Variants in TET1 observed in about 807,000 individuals in gnomAD.
TET1 encodes the protein methylcytosine dioxygenase TET1.
A neutral mutation model predicts 148.7 loss-of-function variants in TET1; 13 were observed. The observed-to-expected ratio is 0.09, with a 90% confidence interval of 0.06 to 0.14. The LOEUF (loss-of-function observed/expected upper bound fraction) is 0.14. Among genes scored for constraint, TET1 ranks in the 10% least tolerant of loss-of-function variants. The probability of loss-of-function intolerance (pLI) is 1.00; values close to 1 mark genes in which losing one functional copy is unlikely to be tolerated. For missense variants in TET1, 2,182 were observed against 2,553.8 expected, an observed-to-expected ratio of 0.85 and a Z score of 3.14; for synonymous variants, 907 against 937.2, an observed-to-expected ratio of 0.97 and a Z score of 0.59.
At chr10:68,665,664 A>T (rs1167630612) in intron 6 of TET1, among the ~76,000 whole-genome samples, 1 of 152,074 alleles carries the variant, frequency 6.6e-6, no homozygotes, top group Non-Finnish European at 1.5e-5. Context: ...AATTTTGACA[A>T]CTTGAATATT....
chr10:68,578,101 A>G (rs1228784037), intron 2 of TET1, among the ~76,000 whole-genome samples: 1 of 152,082 alleles, frequency 6.6e-6, no homozygotes, highest in African/African-American at 2.4e-5. Flanking sequence ...TTGTTGTAAA[A>G]AATCTTACTG....
intron 6 of TET1, among the ~76,000 whole-genome samples, chr10:68,656,891 T>G (rs1200131500): frequency 6.6e-6 from 1 of 151,764 alleles, no homozygotes; most frequent in Non-Finnish European, 1.5e-5. Context: ...CCAGACATGG[T>G]GGCACGTGCC....
intron 3 of TET1, among the ~76,000 whole-genome samples, chr10:68,633,701 G>A (rs148841064): frequency 0.014 from 2,189 of 152,292 alleles, 19 homozygotes; most frequent in Non-Finnish European, 0.022. Context: ...AAAGTGCTGG[G>A]ATTGCAGGCA....
At chr10:68,562,109 C>T (rs772496500) in intron 1 of TET1, among the ~76,000 whole-genome samples, 3 of 152,180 alleles carry the variant, frequency 2.0e-5, no homozygotes, top group Non-Finnish European at 4.4e-5. Flanking sequence ...AGGTACACAG[C>T]CCTGGGCCGG....
At position 68,561,708 on chromosome 10, in the gene TET1, C is replaced by A. The variant is rs1480303719; in HGVS notation, c.-123+966C>A. Among the ~76,000 whole-genome samples, 2 of 140,600 alleles carry A rather than the reference C, an allele frequency of 1.4e-5. 1 individual carries two copies. The highest frequency in any genetic ancestry group is 3.1e-5 in the Non-Finnish European group (2 of 64,170). The allele number at this position is 140,600 out of a possible 152,430, so 92.2% of individuals were successfully genotyped here. A position where few individuals can be genotyped will look rare whatever the true frequency, so the allele number is the denominator to read the frequency against. On this transcript the variant is annotated intron_variant, in intron 1 of 11. Transcript: ENST00000373644. ...TGTGCTTCCCTCCCTCCCTCCCTCTCCCCCGCTCCGGTCCCCGCCTCTCTC... is the reference window on the plus strand; with the variant it reads ...TGTGCTTCCCTCCCTCCCTCCCTCTACCCCGCTCCGGTCCCCGCCTCTCTC...
chr10:68,616,205 C>A (rs980837555), intron 3 of TET1, among the ~76,000 whole-genome samples: 1 of 152,166 alleles, frequency 6.6e-6, no homozygotes, highest in African/African-American at 2.4e-5. Context: ...TCAGATGTCA[C>A]CAATTGTCCT....
chr10:68,613,200 T>G (rs1475989776), intron 3 of TET1, among the ~76,000 whole-genome samples: 1 of 152,228 alleles, frequency 6.6e-6, no homozygotes, highest in Admixed American at 6.5e-5. Flanking sequence ...AGATACATAT[T>G]TAATACATTT....
At position 68,571,060 on chromosome 10, in the gene TET1, G is replaced by A. The variant is rs567225441; in HGVS notation, c.-122-1157G>A. Among the ~76,000 whole-genome samples, 13 of 151,222 alleles carry A rather than the reference G, an allele frequency of 8.6e-5. No individual in the cohort carries two copies. The South Asian group carries it at 2.1e-3, about 24-fold the overall frequency. On this transcript the variant is annotated intron_variant, in intron 1 of 11. Transcript: ENST00000373644. ...GGCTGGAGTGCAATGGTGCAATCTCGGCTCACTGCAACCTCCGTCTCCTGG... is the reference window on the plus strand; with the variant it reads ...GGCTGGAGTGCAATGGTGCAATCTCAGCTCACTGCAACCTCCGTCTCCTGG...
intron 8 of TET1, among the ~76,000 whole-genome samples, chr10:68,681,000 C>G (rs1028353923): frequency 1.3e-5 from 2 of 152,150 alleles, no homozygotes; most frequent in Admixed American, 1.3e-4. Context: ...CTCTCTTCTC[C>G]GTTATAGGAA....
chr10:68,572,900 A>G lies in TET1; in HGVS notation c.562A>G (p.Thr188Ala), dbSNP rs760336927. Residue 188 changes from threonine (T) to alanine (A), a missense_variant, in exon 2 of 12, where the codon ACA becomes GCA. Physicochemically the swap from Thr to Ala is moderately conservative, Grantham distance 58. Coordinates refer to ENST00000373644, the MANE Select transcript of TET1 (RefSeq NM_030625.3). ...PSLLKGKSQE[T>A]TQFWSQRVED... ...TTTACTTAAAGGTAAGAGCCAAGAG[A>G]CAACTCAGTTTTGGTCCCAAAGAGT... 4.3e-6 allele frequency: 7 copies of G among 1,614,168 alleles called. No homozygotes were observed. The East Asian group carries it at 1.3e-4, about 31-fold the overall frequency.
chr10:68,673,152 A>C, intron 8 of TET1, 107 bp downstream of exon 8: 1 of 812,866 alleles, frequency 1.2e-6, no homozygotes, highest in Non-Finnish European at 1.8e-6. Flanking sequence ...AAATATTGAA[A>C]AGTAGTAATC....
chr10:68,682,776 A>G, intron 9 of TET1, 60 bp from the exon 10 acceptor site: 3 of 1,538,392 alleles, frequency 2.0e-6, no homozygotes, highest in Non-Finnish European at 2.6e-6. Flanking sequence ...TTTACTCTTT[A>G]CTGAAGGTAG....
intron 2 of TET1, among the ~76,000 whole-genome samples, chr10:68,579,577 A>G (rs536710383): frequency 6.6e-6 from 1 of 152,348 alleles, no homozygotes; most frequent in Non-Finnish European, 1.5e-5. Flanking sequence ...CCCTTAGGGG[A>G]GTTCAAGTTT....
At position 68,573,320 on chromosome 10, in the gene TET1, A is replaced by C. The variant is rs2053691849; in HGVS notation, c.982A>C (p.Lys328Gln). Residue 328 changes from lysine to glutamine, a missense_variant, in exon 2 of 12, where the codon AAA becomes CAA. Physicochemically the swap from Lys to Gln is moderately conservative, Grantham distance 53. Around this residue, in one of 11 missense-constraint regions of TET1, gnomAD observed 665 missense variants for 672.4 expected, o/e 0.99. Coordinates refer to ENST00000373644, the MANE Select transcript of TET1 (RefSeq NM_030625.3). ...GGSTSPTSVIKFLLAGSKQAT... is the reference protein window; with the variant it reads ...GGSTSPTSVIQFLLAGSKQAT... ...GTCTACGTCTCCTACCTCTGTAATA[A>C]AATTCCTCTTGGCAGGCTCAAAACA... 1 of 1,614,054 alleles carries C rather than the reference A, an allele frequency of 6.2e-7. No homozygotes were observed. Among genetic ancestry groups the C allele is most frequent in the African/African-American group, 1.3e-5 (1 of 75,010 alleles).
At chr10:68,590,352 A>C (rs1421938336) in intron 2 of TET1, among the ~76,000 whole-genome samples, 1 of 151,508 alleles carries the variant, frequency 6.6e-6, no homozygotes, top group Non-Finnish European at 1.5e-5. Context: ...GGCTGGTCTC[A>C]AACTCCTGGG....
At position 68,644,783 on chromosome 10, in the gene TET1, T is replaced by C. The variant is rs2054814056; in HGVS notation, c.2054T>C (p.Leu685Ser). 5 of 1,613,598 alleles carry C rather than the reference T, an allele frequency of 3.1e-6. No homozygotes were observed. Among genetic ancestry groups the C allele is most frequent in the Non-Finnish European group, 4.2e-6 (5 of 1,179,892 alleles). ...SRCGHGEEQK[L>S]ELNPHTVENV... ...TGTGGTCATGGGGAAGAACAAAAAT[T>C]GGAATTGAACCCACATACTGTTGAA... Residue 685 changes from leucine to serine, a missense_variant, in exon 4 of 12, where the codon TTG becomes TCG. By Grantham distance (145) the Leu-to-Ser change is moderately radical. Coordinates refer to ENST00000373644, the MANE Select transcript of TET1 (RefSeq NM_030625.3).
Position 68,646,308 on chromosome 10 carries a change from G to C in TET1, c.3579G>C (p.Ser1193=). 1 of 1,614,070 alleles carries C rather than the reference G, an allele frequency of 6.2e-7. No individual in the cohort carries two copies. Among genetic ancestry groups the C allele is most frequent in the Non-Finnish European group, 8.5e-7 (1 of 1,179,994 alleles). Residue 1193 remains serine (S), a synonymous_variant, in exon 4 of 12, where the codon TCG becomes TCC. Coordinates refer to ENST00000373644, the MANE Select transcript of TET1 (RefSeq NM_030625.3). Reference sequence around the variant, plus strand: ...CAATATGCGACATTTGGATAGCATCGAAATTTCAAAATTTTGGGCAATTTT... The same window carrying C: ...CAATATGCGACATTTGGATAGCATCCAAATTTCAAAATTTTGGGCAATTTT... ...YGTICDIWIA[S]KFQNFGQFCP... is the part of the protein sequence containing the mutation.
chr10:68,639,224 C>G (rs1293598663), intron 3 of TET1, among the ~76,000 whole-genome samples: 4 of 151,456 alleles, frequency 2.6e-5, no homozygotes, highest in Non-Finnish European at 5.9e-5. Context: ...GAGTGCGAGA[C>G]CAGCCTGGCC....
At chr10:68,672,487 CAAAAAAAAAAA>C (rs71483920) in intron 7 of TET1, among the ~76,000 whole-genome samples, 19 of 49,732 alleles carry the variant, frequency 3.8e-4, no homozygotes, top group South Asian at 1.3e-3. Flanking sequence ...GACCCCATCT[CAAAAAAAAAAA>C]AAAAAAAAAA....
Sources: allele counts gnomAD v4.1 joint callset (sites outside exome capture counted in the v4.1 genomes callset), GRCh38; gene constraint gnomAD v4.1.1; regional missense constraint gnomAD v4.1.1; transcripts MANE v1.5; gene names NCBI Gene and HGNC (gene_info 2026-07-23, HGNC 2026-07-21).